Variants in CPQ observed in about 807,000 individuals in gnomAD.
CPQ encodes the protein carboxypeptidase Q.
A neutral mutation model predicts 45.7 loss-of-function variants in CPQ; 37 were observed. That is an observed-to-expected ratio of 0.81 (90% CI 0.62 to 1.07). CPQ has a LOEUF of 1.07. Ranked by LOEUF, CPQ falls within the 50% of genes least tolerant of loss-of-function variation. CPQ has a pLI of 0.00. For synonymous variants in CPQ, 186 were observed against 205.8 expected (o/e 0.90, Z 0.82); for missense variants, 537 against 572.9 (o/e 0.94, Z 0.64).
chr8:96,668,952 T>TAA (rs1313020621), intron 1 of CPQ, among the ~76,000 whole-genome samples: 2 of 152,012 alleles, frequency 1.3e-5, no homozygotes, highest in Non-Finnish European at 2.9e-5. Context: ...ACAAAACTTT[T>TAA]AAAAAGTAAC....
chr8:96,951,374 T>C (rs533060016), intron 4 of CPQ, among the ~76,000 whole-genome samples: 4 of 152,296 alleles, frequency 2.6e-5, no homozygotes, highest in Admixed American at 1.3e-4. Flanking sequence ...AGCCAGTCTA[T>C]GGCCAGTCTT....
At chr8:96,837,694 G>T (rs1488021460) in intron 3 of CPQ, among the ~76,000 whole-genome samples, 1 of 152,086 alleles carries the variant, frequency 6.6e-6, no homozygotes, top group Non-Finnish European at 1.5e-5. Flanking sequence ...CCATACCACT[G>T]CCGCCAGCTC....
chr8:96,740,834 GC>G (rs1199624342), intron 1 of CPQ, among the ~76,000 whole-genome samples: 3 of 152,140 alleles, frequency 2.0e-5, no homozygotes, highest in African/African-American at 7.2e-5. Flanking sequence ...TGGTGGATAA[GC>G]TTTTTGAGGT....
intron 7 of CPQ, 144 bp from the exon 8 acceptor site, chr8:97,142,876 T>C: frequency 1.5e-6 from 1 of 687,742 alleles, no homozygotes; most frequent in Non-Finnish European, 2.4e-6. Flanking sequence ...TGGACATTTC[T>C]TGCAGCAAGA....
intron 5 of CPQ, among the ~76,000 whole-genome samples, chr8:96,975,670 G>T (rs1813765067): frequency 6.6e-6 from 1 of 152,122 alleles, no homozygotes; most frequent in African/African-American, 2.4e-5. Flanking sequence ...TCATACTAGG[G>T]ATGCAGGGTT....
At chr8:96,839,040 C>G (rs1811569830) in intron 3 of CPQ, among the ~76,000 whole-genome samples, 1 of 151,816 alleles carries the variant, frequency 6.6e-6, no homozygotes, top group Non-Finnish European at 1.5e-5. Flanking sequence ...GTGGGTGATA[C>G]TGGATTTCAT....
chr8:96,774,257 C>T (rs1049895160), intron 1 of CPQ, among the ~76,000 whole-genome samples: 27 of 148,578 alleles, frequency 1.8e-4, no homozygotes, highest in Admixed American at 1.6e-3. Flanking sequence ...GGTGACAGAG[C>T]GAGACTCAGT....
rs1455477820 is a variant in CPQ at position 96,835,032 on chromosome 8, G to C, written c.493G>C (p.Glu165Gln). 1 of 1,613,736 alleles carries C rather than the reference G, an allele frequency of 6.2e-7. No homozygotes were observed. Among genetic ancestry groups the C allele is most frequent in the Non-Finnish European group, 8.5e-7 (1 of 1,179,896 alleles). ...CGATGAACTGCAGAGAAGGGCCTCAGAAGCAAGAGGGAAGATTGTTGTTTA... is the reference window on the plus strand; with the variant it reads ...CGATGAACTGCAGAGAAGGGCCTCACAAGCAAGAGGGAAGATTGTTGTTTA... ...SFDELQRRAS[E>Q]ARGKIVVYNQ... The change falls in exon 3 of 8, where the codon GAA becomes CAA. Residue 165 changes from glutamate (E) to glutamine (Q), a missense_variant. Physicochemically the swap from Glu to Gln is conservative, Grantham distance 29. Coordinates refer to ENST00000220763, the MANE Select transcript of CPQ (RefSeq NM_016134.4).
intron 2 of CPQ, among the ~76,000 whole-genome samples, chr8:96,826,129 TC>T: frequency 6.6e-6 from 1 of 152,080 alleles, no homozygotes; most frequent in East Asian, 1.9e-4. Flanking sequence ...TGAGTTTATC[TC>T]CTATTTACAA....
At chr8:96,940,833 C>T (rs1813115793) in intron 4 of CPQ, among the ~76,000 whole-genome samples, 1 of 152,048 alleles carries the variant, frequency 6.6e-6, no homozygotes, top group South Asian at 2.1e-4. Flanking sequence ...ACTCAGAGTA[C>T]CTCATATGAT....
At chr8:96,988,614 A>G (rs1370759634) in intron 5 of CPQ, among the ~76,000 whole-genome samples, 4 of 152,170 alleles carry the variant, frequency 2.6e-5, no homozygotes, top group Non-Finnish European at 4.4e-5. Context: ...CTGTGATTCA[A>G]TGGTGGAAGT....
At chr8:96,864,291 T>C (rs1052723868) in intron 3 of CPQ, among the ~76,000 whole-genome samples, 2 of 152,084 alleles carry the variant, frequency 1.3e-5, no homozygotes, top group Non-Finnish European at 2.9e-5. Flanking sequence ...TTTGGCCACA[T>C]TCTCCCAGTT....
chr8:97,041,763 T>C (rs1243381356), intron 6 of CPQ, among the ~76,000 whole-genome samples: 1 of 152,212 alleles, frequency 6.6e-6, no homozygotes, highest in Non-Finnish European at 1.5e-5. Flanking sequence ...TTGTCTTTGG[T>C]TCTGTTTATA....
intron 1 of CPQ, among the ~76,000 whole-genome samples, chr8:96,726,237 T>C (rs565869836): frequency 1.2e-4 from 18 of 151,950 alleles, no homozygotes; most frequent in Admixed American, 4.6e-4. Context: ...GAAGAAATTA[T>C]AGAAAAAGAA....
chr8:96,946,993 G>T (rs1813198398), intron 4 of CPQ, among the ~76,000 whole-genome samples: 1 of 152,176 alleles, frequency 6.6e-6, no homozygotes, highest in East Asian at 1.9e-4. Context: ...TACATCTACT[G>T]TCCTCCAATT....
At chr8:97,073,326 T>C (rs1810785100) in intron 7 of CPQ, among the ~76,000 whole-genome samples, 1 of 152,182 alleles carries the variant, frequency 6.6e-6, no homozygotes, top group South Asian at 2.1e-4. Flanking sequence ...CAAGTAGAAA[T>C]GGTACTGTAA....
rs530625667 is a variant in CPQ, at chr8:96,915,323, A to G, written c.849+35318A>G. On this transcript the variant is annotated intron_variant, in intron 4 of 7. Coordinates refer to ENST00000220763, the MANE Select transcript of CPQ (RefSeq NM_016134.4). ...GTACACATTCTGTAACTAGAAGCCT[A>G]CAGCTGTAATGCTGAACACCAAAAT... is the stretch of plus-strand genomic sequence containing the variant. Among the ~76,000 whole-genome samples, 3 of 152,134 alleles carry G rather than the reference A, an allele frequency of 2.0e-5. No individual in the cohort carries two copies. In the South Asian group the frequency reaches 6.2e-4, roughly 32 times the overall value.
At chr8:97,087,168 T>C (rs1465531613) in intron 7 of CPQ, among the ~76,000 whole-genome samples, 1 of 152,122 alleles carries the variant, frequency 6.6e-6, no homozygotes, top group African/African-American at 2.4e-5. Context: ...CTTCCACAGG[T>C]GCCTGTTAAC....
At chr8:96,836,415 T>C (rs943540967) in intron 3 of CPQ, among the ~76,000 whole-genome samples, 2 of 152,182 alleles carry the variant, frequency 1.3e-5, no homozygotes, top group Admixed American at 6.5e-5. Context: ...TAAAACTACA[T>C]GTTAGAAAGT....
Sources: allele counts gnomAD v4.1 joint callset (sites outside exome capture counted in the v4.1 genomes callset), GRCh38; gene constraint gnomAD v4.1.1; transcripts MANE v1.5; gene names NCBI Gene and HGNC (gene_info 2026-07-23, HGNC 2026-07-21).